The following PTPRD variants were observed in gnomAD, a reference collection of about 807,000 sequenced individuals.
PTPRD encodes protein tyrosine phosphatase receptor type D, also known as receptor-type tyrosine-protein phosphatase delta.
Under a neutral mutation model 214.5 loss-of-function variants are expected in PTPRD, and 34 were observed. That is an observed-to-expected ratio of 0.16 (90% CI 0.12 to 0.21). The LOEUF (loss-of-function observed/expected upper bound fraction) is 0.21. PTPRD is among the 10% of genes least tolerant of loss of function. The pLI is 1.00. For missense variants in PTPRD, 2,545 were observed against 2,398.7 expected (o/e 1.06, Z -1.27); for synonymous variants, 1,128 against 845.7 (o/e 1.33, Z -5.79).
intron 11 of PTPRD, among the ~76,000 whole-genome samples, chr9:8,868,308 C>T (rs1258150464): frequency 1.3e-5 from 2 of 152,188 alleles, no homozygotes; most frequent in East Asian, 1.9e-4. Context: ...AAGTGATTCT[C>T]GTGCCTCAGC....
chr9:10,078,995 T>A (rs965171724), intron 3 of PTPRD, among the ~76,000 whole-genome samples: 1 of 152,152 alleles, frequency 6.6e-6, no homozygotes, highest in Non-Finnish European at 1.5e-5. Flanking sequence ...GAACTTTTTT[T>A]TCTTTTTCTT....
chr9:9,616,291 C>T (rs928813814), intron 7 of PTPRD, among the ~76,000 whole-genome samples: 2 of 152,090 alleles, frequency 1.3e-5, no homozygotes, highest in South Asian at 2.1e-4. Context: ...ACCTAAAATT[C>T]GAATTTAACT....
intron 4 of PTPRD, among the ~76,000 whole-genome samples, chr9:9,955,149 TTAAG>T (rs1374219664): frequency 6.6e-6 from 1 of 152,166 alleles, no homozygotes; most frequent in African/African-American, 2.4e-5. Context: ...TCAGGTCCTC[TTAAG>T]TAAGCACTGT....
rs1563817205 is a variant in PTPRD at position 8,314,448 on chromosome 9, ATTTGT to A, written c.*3421_*3425del. On this transcript the variant is annotated 3_prime_UTR_variant, in exon 46 of 46. Transcript: ENST00000381196. ...TTTTTAACAAGCCATTTTACAAGTT[ATTTGT>A]TTTAATTTTTCAGTCTATGCATCCA... 1 of 231,110 alleles carries A rather than the reference ATTTGT, an allele frequency of 4.3e-6. No individual in the cohort carries two copies. The highest frequency in any genetic ancestry group is 8.6e-6 in the Non-Finnish European group (1 of 116,368). The allele number at this position is 231,110 out of a possible 1,614,324, so 14.3% of individuals were successfully genotyped here.
chr9:10,572,816 T>A (rs146551436), intron 2 of PTPRD, among the ~76,000 whole-genome samples: 83 of 152,274 alleles, frequency 5.5e-4, no homozygotes, highest in Non-Finnish European at 1.0e-3. Flanking sequence ...GATGTCTCTC[T>A]AGAACCAGAA....
At chr9:9,372,282 T>C (rs1473177179) in intron 9 of PTPRD, among the ~76,000 whole-genome samples, 2 of 152,104 alleles carry the variant, frequency 1.3e-5, no homozygotes, top group Non-Finnish European at 2.9e-5. Flanking sequence ...ACTTGCTTTA[T>C]GTATCTGGGT....
At position 8,569,816 on chromosome 9, in the gene PTPRD, A is replaced by C. The variant is rs753069839; in HGVS notation, c.353-41037T>G. On this transcript the variant is annotated intron_variant, in intron 14 of 45. Transcript: ENST00000381196. The stretch of plus-strand genomic sequence containing the variant: ...ATTGGAAAAAACCATACTAATTAGA[A>C]ACTTGTAAAACTTCCATTTGAATTA... Among the ~76,000 whole-genome samples the C allele has an allele frequency of 1.5e-4, 23 of 152,140 alleles. 1 individual carries two copies. The highest frequency in any genetic ancestry group is 2.5e-4 in the Non-Finnish European group (17 of 68,014).
At chr9:8,809,564 G>T (rs1454295204) in intron 11 of PTPRD, among the ~76,000 whole-genome samples, 2 of 152,116 alleles carry the variant, frequency 1.3e-5, no homozygotes, top group African/African-American at 4.8e-5. Context: ...ACTTCTTAAA[G>T]ATTTAGTCCT....
chr9:9,344,413 G>A (rs1464895683), intron 9 of PTPRD, among the ~76,000 whole-genome samples: 1 of 152,012 alleles, frequency 6.6e-6, no homozygotes, highest in Non-Finnish European at 1.5e-5. Context: ...GTTGATAGGT[G>A]CAGCAAACCA....
intron 11 of PTPRD, among the ~76,000 whole-genome samples, chr9:8,757,221 A>C (rs1246806274): frequency 1.3e-5 from 2 of 152,170 alleles, no homozygotes; most frequent in African/African-American, 4.8e-5. Flanking sequence ...TTAGACAAAC[A>C]AAAAAAGGTC....
intron 11 of PTPRD, among the ~76,000 whole-genome samples, chr9:8,922,652 G>C (rs1343038604): frequency 6.7e-6 from 1 of 149,106 alleles, no homozygotes; most frequent in African/African-American, 2.5e-5. Flanking sequence ...TATTTTTTTT[G>C]AGACAGAGTC....
At chr9:8,422,679 T>C (rs1415483400) in intron 35 of PTPRD, among the ~76,000 whole-genome samples, 3 of 152,138 alleles carry the variant, frequency 2.0e-5, no homozygotes, top group Non-Finnish European at 4.4e-5. Context: ...TTAAAGATAA[T>C]AGGATGATTT....
chr9:9,727,158 T>C (rs1031779831), intron 7 of PTPRD, among the ~76,000 whole-genome samples: 1 of 152,146 alleles, frequency 6.6e-6, no homozygotes, highest in African/African-American at 2.4e-5. Context: ...TTAGAATCAC[T>C]ATATAAATTA....
At chr9:10,072,693 G>A (rs1280246978) in intron 3 of PTPRD, among the ~76,000 whole-genome samples, 1 of 152,030 alleles carries the variant, frequency 6.6e-6, no homozygotes. Context: ...GCACTGATTG[G>A]TGCATTTTAC....
intron 8 of PTPRD, among the ~76,000 whole-genome samples, chr9:9,465,774 A>T (rs1203218276): frequency 6.6e-6 from 1 of 152,086 alleles, no homozygotes; most frequent in Non-Finnish European, 1.5e-5. Flanking sequence ...GTATTGTTAC[A>T]TCTATGTCAG....
chr9:8,554,730 C>A (rs75275007), intron 14 of PTPRD, among the ~76,000 whole-genome samples: 1 of 152,156 alleles, frequency 6.6e-6, no homozygotes, highest in Non-Finnish European at 1.5e-5. Flanking sequence ...CTGTCCAACA[C>A]GTTTGTTTAT....
chr9:8,507,182 A>G, intron 22 of PTPRD, 119 bp downstream of exon 22: 1 of 1,178,518 alleles, frequency 8.5e-7, no homozygotes. Flanking sequence ...TAATTAGTAA[A>G]TCTTTTCCAT....
chr9:10,187,133 T>G (rs1226353120), intron 3 of PTPRD, among the ~76,000 whole-genome samples: 1 of 152,194 alleles, frequency 6.6e-6, no homozygotes, highest in Non-Finnish European at 1.5e-5. Context: ...TTTTAAAAAC[T>G]TCTTAATTTG....
intron 7 of PTPRD, among the ~76,000 whole-genome samples, chr9:9,715,547 G>C (rs2097804303): frequency 6.6e-6 from 1 of 151,928 alleles, no homozygotes; most frequent in African/African-American, 2.4e-5. Context: ...TGAAATCAGA[G>C]AACAAACACC....
Sources: allele counts gnomAD v4.1 joint callset (sites outside exome capture counted in the v4.1 genomes callset), GRCh38; gene constraint gnomAD v4.1.1; transcripts MANE v1.5; gene names NCBI Gene and HGNC (gene_info 2026-07-23, HGNC 2026-07-21).